RPS6KB1: variants seen among roughly 807,000 people sequenced by gnomAD.
The protein encoded by RPS6KB1 is ribosomal protein S6 kinase B1.
Under a neutral mutation model 70.2 loss-of-function variants are expected in RPS6KB1, and 12 were observed. The ratio of observed to expected loss-of-function variants is 0.17; its 90% CI spans 0.11 to 0.28. The LOEUF (loss-of-function observed/expected upper bound fraction) is 0.28. Ranked by LOEUF, RPS6KB1 falls within the 10% of genes least tolerant of loss-of-function variation. RPS6KB1 has a pLI of 1.00. For missense variants in RPS6KB1, 270 were observed against 646.6 expected (o/e 0.42, Z 6.32); for synonymous variants, 175 against 211.2 (o/e 0.83, Z 1.49).
intron 14 of RPS6KB1, 26 bp downstream of exon 14, chr17:59,945,544 T>G (rs372098584): frequency 7.4e-7 from 1 of 1,347,756 alleles, no homozygotes; most frequent in African/African-American, 1.4e-5. Context: ...ATTTTCACTT[T>G]TTTTTGTTTT....
intron 1 of RPS6KB1, among the ~76,000 whole-genome samples, chr17:59,900,609 G>A (rs879561544): frequency 2.6e-5 from 4 of 152,096 alleles, no homozygotes; most frequent in African/African-American, 4.8e-5. Context: ...CAGGTGATCC[G>A]CCTGCCTTGG....
intron 3 of RPS6KB1, among the ~76,000 whole-genome samples, chr17:59,913,280 CT>C (rs1241395813): frequency 1.3e-5 from 2 of 152,156 alleles, no homozygotes; most frequent in African/African-American, 4.8e-5. Context: ...TTGCCCAAGG[CT>C]TTACAACTTA....
rs1384668051 is a variant in RPS6KB1, at chr17:59,893,373, C to G, written c.141+48C>G. 6.4e-7 allele frequency: 1 copy of G among 1,550,880 alleles called. No homozygotes were observed. Among genetic ancestry groups the G allele is most frequent in the Non-Finnish European group, 8.7e-7 (1 of 1,143,908 alleles). On this transcript the variant is annotated intron_variant, in intron 1 of 14. Transcript: ENST00000225577. The surrounding 1 kb of genome is among the most constrained non-coding windows in gnomAD (Gnocchi z 4.1). ...GCCCGAGGTGACAGGGCCGGGGCGG[C>G]GGCGCGGGCTCAGGAAGCGCGGTGT...
rs568303621 is a variant in RPS6KB1 at position 59,902,960 on chromosome 17, C to T, written c.142-7602C>T. ...CTGTGGGAGGCTGAGGCAGGTGGATCGCTGGAGTCCAGGAATTCCAGACCG... is the reference window on the plus strand; with the variant it reads ...CTGTGGGAGGCTGAGGCAGGTGGATTGCTGGAGTCCAGGAATTCCAGACCG... On this transcript the variant is annotated intron_variant, in intron 1 of 14. Transcript: ENST00000225577. Among the ~76,000 whole-genome samples, 5 of 151,996 alleles carry T rather than the reference C, an allele frequency of 3.3e-5. No individual in the cohort carries two copies. The South Asian group carries it at 8.3e-4, about 25-fold the overall frequency.
chr17:59,905,821 T>C (rs2042233316), intron 1 of RPS6KB1, among the ~76,000 whole-genome samples: 1 of 151,500 alleles, frequency 6.6e-6, no homozygotes, highest in African/African-American at 2.4e-5. Context: ...GAGGACCTTT[T>C]TTTTATTATT....
intron 1 of RPS6KB1, among the ~76,000 whole-genome samples, chr17:59,903,852 A>G (rs2042105718): frequency 6.6e-6 from 1 of 152,100 alleles, no homozygotes; most frequent in African/African-American, 2.4e-5. Flanking sequence ...TTGGAGAAAT[A>G]CCTATTCAGA....
At chr17:59,931,988 T>C (rs2043948211) in intron 7 of RPS6KB1, among the ~76,000 whole-genome samples, 1 of 152,206 alleles carries the variant, frequency 6.6e-6, no homozygotes, top group Admixed American at 6.5e-5. Flanking sequence ...GTTTTTGGAA[T>C]CTTTACATCA....
chr17:59,897,537 T>G (rs2041637238), intron 1 of RPS6KB1, among the ~76,000 whole-genome samples: 1 of 152,162 alleles, frequency 6.6e-6, no homozygotes, highest in African/African-American at 2.4e-5. Flanking sequence ...AGATGTGCCT[T>G]TCAAGGTACG....
intron 12 of RPS6KB1, among the ~76,000 whole-genome samples, chr17:59,939,636 G>A (rs1405781935): frequency 6.6e-6 from 1 of 152,234 alleles, no homozygotes; most frequent in Non-Finnish European, 1.5e-5. Flanking sequence ...TGCAGTGAAT[G>A]CTGGGTGCAT....
Position 59,893,378 on chromosome 17 carries a change from C to G in RPS6KB1, c.141+53C>G. The G allele has an allele frequency of 6.5e-7, 1 of 1,542,904 alleles. No individual in the cohort carries two copies. Among genetic ancestry groups the G allele is most frequent in the Non-Finnish European group, 8.8e-7 (1 of 1,137,950 alleles). On this transcript the variant is annotated intron_variant, in intron 1 of 14. Coordinates refer to ENST00000225577, the MANE Select transcript of RPS6KB1 (RefSeq NM_003161.4). The surrounding 1 kb of genome is among the most constrained non-coding windows in gnomAD (Gnocchi z 4.1). ...AGGTGACAGGGCCGGGGCGGCGGCGCGGGCTCAGGAAGCGCGGTGTGTCCT... is the reference window on the plus strand; with the variant it reads ...AGGTGACAGGGCCGGGGCGGCGGCGGGGGCTCAGGAAGCGCGGTGTGTCCT...
chr17:59,919,681 G>C (rs756199342), intron 4 of RPS6KB1, among the ~76,000 whole-genome samples: 1 of 150,700 alleles, frequency 6.6e-6, no homozygotes, highest in Admixed American at 6.6e-5. Context: ...TTTTTGTCCC[G>C]GGGAATTTAA....
chr17:59,900,219 CACACACA>C (rs1342059557), intron 1 of RPS6KB1, among the ~76,000 whole-genome samples: 9 of 138,460 alleles, frequency 6.5e-5, no homozygotes, highest in Admixed American at 3.7e-4. Context: ...CACACACACA[CACACACA>C]CACACCCCTA....
At chr17:59,904,033 G>T (rs984700296) in intron 1 of RPS6KB1, among the ~76,000 whole-genome samples, 1 of 151,290 alleles carries the variant, frequency 6.6e-6, no homozygotes, top group African/African-American at 2.4e-5. Context: ...GAGCCACTGC[G>T]CCTGGCCTAT....
At position 59,930,114 on chromosome 17, in the gene RPS6KB1, C is replaced by T. The variant is rs762412611; in HGVS notation, c.530-3C>T. On this transcript the variant is annotated splice_region_variant and splice_polypyrimidine_tract_variant and intron_variant, in intron 5 of 14. Transcript: ENST00000225577. The stretch of plus-strand genomic sequence containing the variant: ...TTATAATGTTTTTTCTTTTTCTTTA[C>T]AGGAGGAGAACTATTTATGCAGTTA... 6.7e-6 allele frequency: 9 copies of T among 1,343,700 alleles called. No individual in the cohort carries two copies. Among genetic ancestry groups the T allele is most frequent in the Non-Finnish European group, 1.1e-6 (1 of 934,130 alleles). The allele number at this position is 1,343,700 out of a possible 1,614,324, so 83.2% of individuals were successfully genotyped here. A position where few individuals can be genotyped will look rare whatever the true frequency, so the allele number is the denominator to read the frequency against.
Position 59,893,666 on chromosome 17 carries a change from T to C in RPS6KB1, c.141+341T>C, listed in dbSNP as rs2041292532. On this transcript the variant is annotated intron_variant, in intron 1 of 14. Transcript: ENST00000225577. This position sits in a 1 kb window ranked among gnomAD's most constrained non-coding sequence, Gnocchi z 4.1. ...GAGCGTGTGTTGGGGAGACGGGGGC[T>C]GCTCTTGCTGGGTGTCCCGTAAGTG... 2 of 556,850 alleles carry C rather than the reference T, an allele frequency of 3.6e-6. No individual in the cohort carries two copies. The highest frequency in any genetic ancestry group is 4.0e-5 in the African/African-American group (2 of 50,252). 34.5% of individuals were successfully genotyped at this position (556,850 alleles called of 1,614,324 possible). A position where few individuals can be genotyped will look rare whatever the true frequency, so the allele number is the denominator to read the frequency against.
intron 3 of RPS6KB1, among the ~76,000 whole-genome samples, chr17:59,914,412 G>A (rs2042823428): frequency 6.6e-6 from 1 of 152,128 alleles, no homozygotes; most frequent in South Asian, 2.1e-4. Context: ...TAAAGTAACA[G>A]TGTTTATTAT....
intron 7 of RPS6KB1, among the ~76,000 whole-genome samples, chr17:59,932,553 T>C (rs1206035857): frequency 6.7e-6 from 1 of 149,406 alleles, no homozygotes; most frequent in Non-Finnish European, 1.5e-5. Context: ...CAGGTTACTT[T>C]TTTTTTTTTT....
At chr17:59,921,457 G>T (rs1385551237) in intron 4 of RPS6KB1, among the ~76,000 whole-genome samples, 2 of 152,098 alleles carry the variant, frequency 1.3e-5, no homozygotes, top group Non-Finnish European at 2.9e-5. Context: ...CTCCCTTTGA[G>T]TTCCTTCCTT....
At chr17:59,942,047 A>G (rs911275377) in intron 13 of RPS6KB1, among the ~76,000 whole-genome samples, 16 of 151,898 alleles carry the variant, frequency 1.1e-4, no homozygotes, top group Non-Finnish European at 2.9e-5. Flanking sequence ...TGTAGTAGAG[A>G]CGGGGTTTCA....
Sources: gnomAD v4.1 joint callset for allele counts (sites outside exome capture counted in the v4.1 genomes callset) on GRCh38, gnomAD v4.1.1 for gene constraint, Gnocchi (gnomAD v3.1) non-coding constraint, MANE v1.5 for transcripts, NCBI Gene and HGNC (gene_info 2026-07-23, HGNC 2026-07-21) for gene names.